The following KLHDC4 variants were observed in gnomAD, a reference collection of about 807,000 sequenced individuals.
The protein encoded by KLHDC4 is kelch domain containing 4.
Under a neutral mutation model 62.4 loss-of-function variants are expected in KLHDC4, and 90 were observed. The ratio of observed to expected loss-of-function variants is 1.44; its 90% confidence interval spans 1.22 to 1.72. KLHDC4 has a LOEUF of 1.72. Among genes scored for constraint, KLHDC4 ranks in the 40% most tolerant of loss-of-function variants. The pLI is 0.00. For missense variants in KLHDC4, 1,025 were observed against 699.7 expected (o/e 1.47, Z -5.25); for synonymous variants, 386 against 284.4 (o/e 1.36, Z -3.59).
intron 6 of KLHDC4, among the ~76,000 whole-genome samples, chr16:87,728,377 G>A (rs1047763614): frequency 2.6e-5 from 4 of 152,138 alleles, no homozygotes; most frequent in African/African-American, 9.7e-5. Context: ...TTAGTACAAA[G>A]ATTCTACTTT....
Position 87,709,320 on chromosome 16 carries a change from G to A in KLHDC4, c.1392C>T (p.His464=). The change falls in exon 10 of 12, where the codon CAC becomes CAT. Residue 464 remains histidine, a synonymous_variant. Coordinates refer to ENST00000270583, the MANE Select transcript of KLHDC4 (RefSeq NM_017566.4). ...CCTCCATCCTGTGCAGGTCCAGGCA[G>A]TGCAGGTCGCTGAGGGTGACCTGGC... is the stretch of plus-strand genomic sequence containing the variant. ...GDRQVTLSDL[H]CLDLHRMEAW... 3 of 1,613,316 alleles carry A rather than the reference G, an allele frequency of 1.9e-6. No individual in the cohort carries two copies. Among genetic ancestry groups the A allele is most frequent in the Non-Finnish European group, 2.5e-6 (3 of 1,179,924 alleles).
intron 5 of KLHDC4, among the ~76,000 whole-genome samples, chr16:87,733,177 A>C (rs1262521154): frequency 1.3e-5 from 2 of 152,294 alleles, no homozygotes; most frequent in East Asian, 3.9e-4. Flanking sequence ...GTGAAAAGGC[A>C]GGTGCAAAGC....
intron 5 of KLHDC4, among the ~76,000 whole-genome samples, chr16:87,743,735 G>A (rs539311393): frequency 4.3e-4 from 65 of 151,688 alleles, no homozygotes; most frequent in African/African-American, 1.3e-3. Context: ...GCGCGACACC[G>A]CCTCAAAAAA....
chr16:87,745,501 A>G (rs750942403), intron 5 of KLHDC4, among the ~76,000 whole-genome samples: 25 of 152,266 alleles, frequency 1.6e-4, no homozygotes, highest in Non-Finnish European at 2.5e-4. Flanking sequence ...CTGTGGCATC[A>G]TCTTCCACAC....
At chr16:87,711,619 G>A (rs373734680) in intron 8 of KLHDC4, among the ~76,000 whole-genome samples, 176 bp from the exon 9 acceptor site, 10 of 152,136 alleles carry the variant, frequency 6.6e-5, no homozygotes, top group South Asian at 2.1e-4. Flanking sequence ...AACTCCCCTC[G>A]AGTTCCACCC....
intron 5 of KLHDC4, among the ~76,000 whole-genome samples, chr16:87,734,662 A>T (rs1451150202): frequency 1.3e-5 from 2 of 152,192 alleles, no homozygotes; most frequent in Non-Finnish European, 2.9e-5. Flanking sequence ...CAATTCTATT[A>T]ATCCAACCCG....
At chr16:87,743,466 G>T (rs1046381963) in intron 5 of KLHDC4, among the ~76,000 whole-genome samples, 1 of 152,096 alleles carries the variant, frequency 6.6e-6, no homozygotes, top group Non-Finnish European at 1.5e-5. Flanking sequence ...CTGGCCAGGC[G>T]CCGTGGCTCA....
At chr16:87,701,679 G>A (rs983079663) in exon 1 of KLHDC4, 4 of 456,546 alleles carry the variant, frequency 8.8e-6, no homozygotes, top group African/African-American at 6.0e-5. Context: ...TGGCATTTGG[G>A]ATAAACATCC....
At chr16:87,734,141 T>C (rs2040872345) in intron 5 of KLHDC4, among the ~76,000 whole-genome samples, 1 of 152,144 alleles carries the variant, frequency 6.6e-6, no homozygotes, top group Admixed American at 6.5e-5. Context: ...GGTCAGGAGC[T>C]CAAGACCAGC....
exon 1 of KLHDC4, chr16:87,701,834 G>C (rs1026750885): frequency 2.2e-6 from 1 of 456,522 alleles, no homozygotes; most frequent in African/African-American, 2.0e-5. Context: ...CACCACCACT[G>C]CTCGTTAACA....
At chr16:87,738,181 T>G (rs984956880) in intron 5 of KLHDC4, among the ~76,000 whole-genome samples, 1 of 152,174 alleles carries the variant, frequency 6.6e-6, no homozygotes, top group African/African-American at 2.4e-5. Flanking sequence ...CAGTCACTGT[T>G]AGCTAACTCG....
intron 4 of KLHDC4, among the ~76,000 whole-genome samples, chr16:87,749,685 G>C (rs2043612850): frequency 6.6e-6 from 1 of 152,108 alleles, no homozygotes; most frequent in South Asian, 2.1e-4. Flanking sequence ...ATGGTTTCAA[G>C]TGACCCTCCC....
At chr16:87,715,696 C>A (rs1262270908) in intron 7 of KLHDC4, among the ~76,000 whole-genome samples, 1 of 152,172 alleles carries the variant, frequency 6.6e-6, no homozygotes, top group African/African-American at 2.4e-5. Context: ...GGTGAAGTGC[C>A]CATCTCATCA....
At chr16:87,747,047 G>A (rs76470261) in intron 5 of KLHDC4, among the ~76,000 whole-genome samples, 1,888 of 152,292 alleles carry the variant, frequency 0.012, 46 homozygotes, top group African/African-American at 0.044. Flanking sequence ...CACTCCCAAA[G>A]TGACCAGGTA....
At chr16:87,748,220 C>T (rs1298346627) in intron 5 of KLHDC4, among the ~76,000 whole-genome samples, 1 of 152,184 alleles carries the variant, frequency 6.6e-6, no homozygotes, top group Non-Finnish European at 1.5e-5. Context: ...GCAGGGTTCA[C>T]TGAAGAGAAA....
At chr16:87,717,196 A>T (rs1290167495) in intron 7 of KLHDC4, among the ~76,000 whole-genome samples, 2 of 152,338 alleles carry the variant, frequency 1.3e-5, no homozygotes, top group Middle Eastern at 3.4e-3. Flanking sequence ...ATGCCACTGC[A>T]CTCCAGCCTG....
At chr16:87,722,197 C>G (rs1424213709) in intron 7 of KLHDC4, among the ~76,000 whole-genome samples, 3 of 152,228 alleles carry the variant, frequency 2.0e-5, no homozygotes, top group Non-Finnish European at 2.9e-5. Flanking sequence ...AAAGCACTAG[C>G]TGGACCCAGA....
At chr16:87,749,262 A>C (rs755847690) in intron 4 of KLHDC4, among the ~76,000 whole-genome samples, 1 of 152,100 alleles carries the variant, frequency 6.6e-6, no homozygotes, top group Admixed American at 6.5e-5. Flanking sequence ...CACGTAAAAG[A>C]AAGTGTTTAT....
chr16:87,731,598 G>C (rs1355877592), intron 5 of KLHDC4, among the ~76,000 whole-genome samples: 1 of 151,876 alleles, frequency 6.6e-6, no homozygotes, highest in Non-Finnish European at 1.5e-5. Flanking sequence ...AACATCAAGT[G>C]CTGGCGAGGA....
Sources: allele counts gnomAD v4.1 joint callset (sites outside exome capture counted in the v4.1 genomes callset), GRCh38; gene constraint gnomAD v4.1.1; transcripts MANE v1.5; gene names NCBI Gene and HGNC (gene_info 2026-07-23, HGNC 2026-07-21).